Variants in CRTC3 observed in about 807,000 individuals in gnomAD.
The protein encoded by CRTC3 is CREB regulated transcription coactivator 3, also known as CREB-regulated transcription coactivator 3.
CRTC3 carries 26 observed loss-of-function variants against 74.5 expected under a neutral mutation model. That is an observed-to-expected ratio of 0.35 (90% CI 0.26 to 0.48). The LOEUF (loss-of-function observed/expected upper bound fraction) is 0.48, where lower values mean the gene tolerates loss of function less well. Among genes scored for constraint, CRTC3 ranks in the 20% least tolerant of loss-of-function variants. The probability of loss-of-function intolerance (pLI) is 0.99; values close to 1 mark genes in which losing one functional copy is unlikely to be tolerated. For synonymous variants in CRTC3, 377 were observed against 325.8 expected, an observed-to-expected ratio of 1.16 and a Z score of -1.69; for missense variants, 760 against 787.3, an observed-to-expected ratio of 0.97 and a Z score of 0.41.
chr15:90,603,398 A>C (rs562537148), intron 4 of CRTC3, among the ~76,000 whole-genome samples: 30 of 152,066 alleles, frequency 2.0e-4, no homozygotes, highest in South Asian at 4.2e-4. Flanking sequence ...AGCCGAGATC[A>C]CGCCACTGCA....
At chr15:90,574,668 T>C (rs1486685512) in intron 2 of CRTC3, among the ~76,000 whole-genome samples, 1 of 152,196 alleles carries the variant, frequency 6.6e-6, no homozygotes, top group East Asian at 1.9e-4. Flanking sequence ...CTCTCTGCTG[T>C]ATATGAAAGT....
At chr15:90,634,731 G>A (rs1201350109) in intron 11 of CRTC3, 3 of 801,366 alleles carry the variant, frequency 3.7e-6, no homozygotes, top group Admixed American at 3.7e-5. Flanking sequence ...AGTCATGGCA[G>A]GACAAGCGTG....
chr15:90,593,592 A>C, intron 2 of CRTC3, 44 bp from the exon 3 acceptor site: 5 of 1,581,600 alleles, frequency 3.2e-6, no homozygotes, highest in Non-Finnish European at 3.5e-6. Flanking sequence ...GGTGAGTGTC[A>C]ATTTCATGGT....
Position 90,642,362 on chromosome 15 carries a change from A to G in CRTC3, c.*222A>G, listed in dbSNP as rs112722414. On this transcript the variant is annotated 3_prime_UTR_variant, in exon 15 of 15. Coordinates refer to ENST00000268184, the MANE Select transcript of CRTC3 (RefSeq NM_022769.5). ...CCGCCTGTGGCCAAAGTCGTGTTGC[A>G]GCAGGCAGGCTGCTTGGAGCTTCCC... is the stretch of plus-strand genomic sequence containing the variant. The G allele has an allele frequency of 1.0e-3, 568 of 566,462 alleles. 7 individuals carry two copies. Among genetic ancestry groups the G allele is most frequent in the African/African-American group, 9.8e-3 (526 of 53,438 alleles). The allele number at this position is 566,462 out of a possible 1,614,324, so 35.1% of individuals were successfully genotyped here.
chr15:90,558,998 C>T lies in CRTC3; in HGVS notation c.231+18861C>T, dbSNP rs796405655. The stretch of plus-strand genomic sequence containing the variant: ...ATCTCCTGGCCTCAAGTGATCCGCC[C>T]GCCTTGGCTTCCCAAAGTGCTGGGA... On this transcript the variant is annotated intron_variant, in intron 2 of 14. Transcript: ENST00000268184. Among the ~76,000 whole-genome samples the T allele has an allele frequency of 3.3e-5, 5 of 152,046 alleles. No individual in the cohort carries two copies. The South Asian group carries it at 6.2e-4, about 19-fold the overall frequency.
chr15:90,604,807 T>G (rs148537742), intron 5 of CRTC3, among the ~76,000 whole-genome samples: 1 of 152,318 alleles, frequency 6.6e-6, no homozygotes, highest in African/African-American at 2.4e-5. Flanking sequence ...ACATCAGCTA[T>G]TATCATGATC....
At position 90,539,069 on chromosome 15, in the gene CRTC3, T is replaced by A. The variant is rs115421303; in HGVS notation, c.133-970T>A. Among the ~76,000 whole-genome samples the A allele has an allele frequency of 3.4e-3, 523 of 152,320 alleles. 5 individuals carry two copies. The highest frequency in any genetic ancestry group is 0.012 in the African/African-American group (497 of 41,568). ...GCTTAGATCTGGTAGTGTTTTATTA[T>A]TGTTAGAGACAGAGAGTGATGAAGG... On this transcript the variant is annotated intron_variant, in intron 1 of 14. Coordinates refer to ENST00000268184, the MANE Select transcript of CRTC3 (RefSeq NM_022769.5).
chr15:90,574,457 A>G (rs1967354109), intron 2 of CRTC3, among the ~76,000 whole-genome samples: 1 of 152,166 alleles, frequency 6.6e-6, no homozygotes. Context: ...TAGCCTGGTG[A>G]CAGAGCGAGA....
chr15:90,642,311 G>C lies in CRTC3; in HGVS notation c.*171G>C, dbSNP rs1401260194. On this transcript the variant is annotated 3_prime_UTR_variant, in exon 15 of 15. Transcript: ENST00000268184. ...ATCTCAGACACTGTGGCTTCCTCCA[G>C]ATCACACAGCTTTGTACTGCCTCTC... 9 of 622,838 alleles carry C rather than the reference G, an allele frequency of 1.4e-5. No individual in the cohort carries two copies. In the East Asian group the frequency reaches 2.2e-4, roughly 15 times the overall value. 38.6% of individuals were successfully genotyped at this position (622,838 alleles called of 1,614,324 possible).
chr15:90,569,727 C>T (rs1967216924), intron 2 of CRTC3, among the ~76,000 whole-genome samples: 1 of 151,616 alleles, frequency 6.6e-6, no homozygotes, highest in Non-Finnish European at 1.5e-5. Flanking sequence ...ATTGTAGGTT[C>T]ACCCCGCCAT....
intron 2 of CRTC3, among the ~76,000 whole-genome samples, chr15:90,579,659 T>TTTTTTTTTA (rs1967490328): frequency 4.2e-5 from 6 of 144,228 alleles, no homozygotes; most frequent in African/African-American, 1.1e-4. Context: ...TTTTTTTTTT[T>TTTTTTTTTA]GAGACAGAGC....
chr15:90,537,195 CAG>C (rs2151054588), intron 1 of CRTC3, among the ~76,000 whole-genome samples: 1 of 151,560 alleles, frequency 6.6e-6, no homozygotes, highest in African/African-American at 2.4e-5. Context: ...CAAAATAACT[CAG>C]AGTTTGAAGA....
At position 90,631,023 on chromosome 15, in the gene CRTC3, C is replaced by T. The variant is rs1969019432; in HGVS notation, c.1266+1491C>T. ...CGATCTCCTGACCTCATGATCCACC[C>T]GCCTCGGCCTCCCAAAGTGCTGGGA... On this transcript the variant is annotated intron_variant, in intron 11 of 14. Coordinates refer to ENST00000268184, the MANE Select transcript of CRTC3 (RefSeq NM_022769.5). 1.8e-4 allele frequency among the ~76,000 whole-genome samples: 3 copies of T among 16,418 alleles called. 1 individual carries two copies. In the South Asian group the frequency reaches 0.012, roughly 66 times the overall value. 10.8% of individuals were successfully genotyped at this position (16,418 alleles called of 152,430 possible). A position where few individuals can be genotyped will look rare whatever the true frequency, so the allele number is the denominator to read the frequency against.
At chr15:90,539,767 G>T (rs1478153077) in intron 1 of CRTC3, 1 of 373,034 alleles carries the variant, frequency 2.7e-6, no homozygotes, top group Non-Finnish European at 4.8e-6. Context: ...GATTATGCCA[G>T]TGTATCCAAA....
At chr15:90,548,034 C>T (rs921625365) in intron 2 of CRTC3, among the ~76,000 whole-genome samples, 11 of 151,694 alleles carry the variant, frequency 7.3e-5, no homozygotes, top group African/African-American at 2.4e-4. Context: ...GGAGTACAGG[C>T]GTAAGCCACC....
intron 2 of CRTC3, among the ~76,000 whole-genome samples, chr15:90,578,294 C>T (rs931552662): frequency 1.3e-5 from 2 of 152,022 alleles, no homozygotes; most frequent in Admixed American, 6.6e-5. Flanking sequence ...GCCCTGTAAT[C>T]CCAGCACTTT....
chr15:90,616,958 TC>T (rs34532020), intron 7 of CRTC3, among the ~76,000 whole-genome samples: 3 of 152,142 alleles, frequency 2.0e-5, no homozygotes, highest in Non-Finnish European at 4.4e-5. Flanking sequence ...CTCAATACTT[TC>T]CCCATTTCAT....
Position 90,614,456 on chromosome 15 carries a change from T to C in CRTC3, c.581T>C (p.Phe194Ser), listed in dbSNP as rs1292023268. The C allele has an allele frequency of 1.9e-6, 3 of 1,608,920 alleles. No individual in the cohort carries two copies. The East Asian group carries it at 6.7e-5, about 36-fold the overall frequency. ...TTTCTTTTTCCTTTCCCGCTAGGTT[T>C]CTGTGATGGTGAGAATAATGGACAT... ...QSAWPAPYMG[F>S]CDGENNGHGE... Residue 194 changes from phenylalanine (F) to serine (S), a missense_variant, in exon 7 of 15, where the codon TTC becomes TCC. Phe to Ser is a radical substitution (Grantham distance 155). This residue lies in a region of CRTC3 where 652 missense variants were observed against 635.2 expected (regional missense o/e 1.03). Transcript: ENST00000268184.
At chr15:90,574,109 T>C (rs1039054478) in intron 2 of CRTC3, among the ~76,000 whole-genome samples, 5 of 152,220 alleles carry the variant, frequency 3.3e-5, no homozygotes, top group African/African-American at 1.2e-4. Context: ...TATTCTTTTA[T>C]ATGACTTTGT....
Sources: gnomAD v4.1 joint callset for allele counts (sites outside exome capture counted in the v4.1 genomes callset) on GRCh38, gnomAD v4.1.1 for gene constraint, gnomAD v4.1.1 regional missense constraint, MANE v1.5 for transcripts, NCBI Gene and HGNC (gene_info 2026-07-23, HGNC 2026-07-21) for gene names.